TAFA1: variants seen among roughly 807,000 people sequenced by gnomAD.
TAFA1 encodes the protein chemokine-like protein TAFA-1.
TAFA1 carries 4 observed loss-of-function variants against 18.5 expected under a neutral mutation model. That is an observed-to-expected ratio of 0.22 (90% CI 0.11 to 0.49). The LOEUF (loss-of-function observed/expected upper bound fraction) is 0.49. TAFA1 is among the 20% of genes least tolerant of loss of function. The pLI is 0.98. For missense variants in TAFA1, 147 were observed against 169.0 expected, an observed-to-expected ratio of 0.87 and a Z score of 0.72; for synonymous variants, 56 against 55.2, an observed-to-expected ratio of 1.01 and a Z score of -0.06.
intron 2 of TAFA1, among the ~76,000 whole-genome samples, chr3:68,036,109 T>C (rs1705041674): frequency 6.6e-6 from 1 of 152,112 alleles, no homozygotes; most frequent in African/African-American, 2.4e-5. Flanking sequence ...TACATGGCTG[T>C]GAATTTGTTG....
chr3:68,012,750 G>T (rs548134650), intron 2 of TAFA1, among the ~76,000 whole-genome samples: 2 of 152,078 alleles, frequency 1.3e-5, no homozygotes, highest in Non-Finnish European at 2.9e-5. Context: ...ACCAAACCAC[G>T]TTTCCAGTTT....
At chr3:68,045,003 A>C (rs1705238914) in intron 2 of TAFA1, among the ~76,000 whole-genome samples, 1 of 152,196 alleles carries the variant, frequency 6.6e-6, no homozygotes. Context: ...CTTTTTCTGC[A>C]GGCCTCTGTG....
At chr3:68,274,359 T>G (rs1394053704) in intron 2 of TAFA1, among the ~76,000 whole-genome samples, 1 of 152,234 alleles carries the variant, frequency 6.6e-6, no homozygotes, top group Admixed American at 6.5e-5. Context: ...CCAACATTTT[T>G]CTGTCTAGTG....
At chr3:68,136,931 T>C (rs2065615278) in intron 2 of TAFA1, among the ~76,000 whole-genome samples, 1 of 152,140 alleles carries the variant, frequency 6.6e-6, no homozygotes, top group Non-Finnish European at 1.5e-5. Flanking sequence ...TTTTACCTAT[T>C]CATTAAGGAC....
intron 3 of TAFA1, among the ~76,000 whole-genome samples, chr3:68,423,967 G>A (rs187340969): frequency 9.2e-5 from 14 of 151,824 alleles, no homozygotes; most frequent in Admixed American, 4.6e-4. Context: ...TGTTCTTGCC[G>A]TCTTATACTG....
At chr3:68,309,234 G>A (rs911390612) in intron 2 of TAFA1, among the ~76,000 whole-genome samples, 1 of 151,840 alleles carries the variant, frequency 6.6e-6, no homozygotes, top group Non-Finnish European at 1.5e-5. Flanking sequence ...GCATACGATA[G>A]GTGTCCAAGA....
intron 2 of TAFA1, among the ~76,000 whole-genome samples, chr3:68,066,745 A>G (rs186484912): frequency 1.9e-4 from 29 of 152,314 alleles, no homozygotes; most frequent in Admixed American, 7.8e-4. Flanking sequence ...TGGTAAGATT[A>G]TAAAAGGCAT....
chr3:68,473,230 G>T (rs1190885316), intron 3 of TAFA1, among the ~76,000 whole-genome samples: 1 of 152,104 alleles, frequency 6.6e-6, no homozygotes, highest in East Asian at 1.9e-4. Context: ...CTTCACTCAG[G>T]AGCCTCTCAC....
At chr3:68,370,471 T>TATATATATATATATATATATATAC (rs1559637762) in intron 2 of TAFA1, among the ~76,000 whole-genome samples, 1 of 26,988 alleles carries the variant, frequency 3.7e-5, no homozygotes. Flanking sequence ...TGTGTGTGTG[T>TATATATATATATATATATATATAC]GTATATATAT....
chr3:68,036,436 C>CAAA (rs10566431), intron 2 of TAFA1, among the ~76,000 whole-genome samples: 11 of 98,682 alleles, frequency 1.1e-4, no homozygotes, highest in East Asian at 5.8e-4. Flanking sequence ...GAGACTCTGT[C>CAAA]AAAAAAAAAA....
intron 3 of TAFA1, among the ~76,000 whole-genome samples, chr3:68,477,457 C>T (rs1288054906): frequency 6.6e-6 from 1 of 152,188 alleles, no homozygotes; most frequent in Non-Finnish European, 1.5e-5. Context: ...TAACTGCAAC[C>T]TCCACCTCCC....
In TAFA1 at chr3:68,545,406, C is replaced by G. The variant is rs1040075586; in HGVS notation, c.*903C>G. The G allele has an allele frequency of 2.0e-5, 3 of 152,558 alleles. No individual in the cohort carries two copies. Among genetic ancestry groups the G allele is most frequent in the African/African-American group, 4.8e-5 (2 of 41,422 alleles). The allele number at this position is 152,558 out of a possible 1,614,324, so 9.5% of individuals were successfully genotyped here. A position where few individuals can be genotyped will look rare whatever the true frequency, so the allele number is the denominator to read the frequency against. On this transcript the variant is annotated 3_prime_UTR_variant, in exon 5 of 5. Transcript: ENST00000478136. The stretch of plus-strand genomic sequence containing the variant: ...CTGTCCTAGACTGCAGAAATGTCCT[C>G]TGATTAAATCCAAAGTCTGGCATCG...
intron 2 of TAFA1, among the ~76,000 whole-genome samples, chr3:68,180,996 A>G (rs932834399): frequency 6.6e-6 from 1 of 152,164 alleles, no homozygotes; most frequent in Non-Finnish European, 1.5e-5. Flanking sequence ...TTTTCATGAA[A>G]CAAGCTGCAA....
intron 2 of TAFA1, among the ~76,000 whole-genome samples, chr3:68,391,214 T>C (rs1002397306): frequency 4.6e-5 from 7 of 152,052 alleles, no homozygotes; most frequent in Non-Finnish European, 8.8e-5. Context: ...TTGTGAAGCA[T>C]ATACAAGTGT....
At chr3:68,347,035 A>T (rs1470772106) in intron 2 of TAFA1, among the ~76,000 whole-genome samples, 8 of 151,054 alleles carry the variant, frequency 5.3e-5, no homozygotes, top group Non-Finnish European at 3.0e-5. Context: ...CTCCACTGTG[A>T]TCCCACATGT....
At chr3:68,422,130 C>A (rs1226690721) in intron 3 of TAFA1, among the ~76,000 whole-genome samples, 1 of 152,094 alleles carries the variant, frequency 6.6e-6, no homozygotes, top group Non-Finnish European at 1.5e-5. Flanking sequence ...TTTTATTGAA[C>A]TAAAATGCTG....
chr3:68,067,955 A>G (rs1205590424), intron 2 of TAFA1, among the ~76,000 whole-genome samples: 2 of 152,110 alleles, frequency 1.3e-5, no homozygotes, highest in African/African-American at 4.8e-5. Context: ...AACAAAAAAC[A>G]AAAAACAAAA....
intron 2 of TAFA1, among the ~76,000 whole-genome samples, chr3:68,054,102 A>G (rs1201049240): frequency 6.6e-6 from 1 of 152,136 alleles, no homozygotes; most frequent in African/African-American, 2.4e-5. Flanking sequence ...TTTTATGTGC[A>G]CTAGCAATTG....
intron 3 of TAFA1, among the ~76,000 whole-genome samples, chr3:68,458,926 T>C (rs558268460): frequency 6.6e-6 from 1 of 152,274 alleles, no homozygotes; most frequent in African/African-American, 2.4e-5. Context: ...GGGAGGTTTA[T>C]TGAGTAACGA....
Sources: gnomAD v4.1 joint callset for allele counts (sites outside exome capture counted in the v4.1 genomes callset) on GRCh38, gnomAD v4.1.1 for gene constraint, MANE v1.5 for transcripts, NCBI Gene and HGNC (gene_info 2026-07-23, HGNC 2026-07-21) for gene names.